Variants in GSK3B observed in about 807,000 individuals in gnomAD.
The protein encoded by GSK3B is glycogen synthase kinase-3 beta.
Under a neutral mutation model 56.4 loss-of-function variants are expected in GSK3B, and 15 were observed. The ratio of observed to expected loss-of-function variants is 0.27; its 90% CI spans 0.18 to 0.41. GSK3B has a LOEUF of 0.41. GSK3B is among the 10% of genes least tolerant of loss of function. The pLI, the probability that GSK3B is intolerant of heterozygous loss-of-function variation, is 1.00. For missense variants in GSK3B, 300 were observed against 513.4 expected (o/e 0.58, Z 4.02); for synonymous variants, 181 against 188.9 (o/e 0.96, Z 0.34).
At chr3:119,905,452 T>C (rs1037075051) in intron 7 of GSK3B, among the ~76,000 whole-genome samples, 2 of 152,122 alleles carry the variant, frequency 1.3e-5, no homozygotes, top group South Asian at 2.1e-4. Context: ...TCAGCTTACA[T>C]ACATTTTAGT....
At chr3:119,883,213 C>G (rs1238326007) in intron 7 of GSK3B, among the ~76,000 whole-genome samples, 1 of 152,034 alleles carries the variant, frequency 6.6e-6, no homozygotes, top group African/African-American at 2.4e-5. Context: ...CTTAGGGTGG[C>G]TGACAGTGGG....
At chr3:119,935,208 C>T (rs1348059472) in intron 3 of GSK3B, among the ~76,000 whole-genome samples, 1 of 152,074 alleles carries the variant, frequency 6.6e-6, no homozygotes, top group Non-Finnish European at 1.5e-5. Context: ...CAATAAACCA[C>T]TTTAATAAGA....
intron 2 of GSK3B, among the ~76,000 whole-genome samples, chr3:119,985,719 T>C (rs1478331498): frequency 2.0e-5 from 3 of 152,176 alleles, no homozygotes. Flanking sequence ...TCCATGCTCA[T>C]GGATAGGAAA....
At chr3:120,081,283 G>T (rs1024054397) in intron 1 of GSK3B, among the ~76,000 whole-genome samples, 7 of 150,534 alleles carry the variant, frequency 4.7e-5, no homozygotes, top group African/African-American at 1.5e-4. Flanking sequence ...GGTCGGGCAC[G>T]GTGGCTCACA....
At chr3:119,929,102 CA>C (rs2056918184) in intron 3 of GSK3B, among the ~76,000 whole-genome samples, 1 of 151,864 alleles carries the variant, frequency 6.6e-6, no homozygotes, top group Admixed American at 6.6e-5. Flanking sequence ...AGATGATATG[CA>C]AAACTAGGGG....
At chr3:119,866,605 G>C (rs2056186194) in intron 8 of GSK3B, 1 of 1,604,150 alleles carries the variant, frequency 6.2e-7, no homozygotes, top group East Asian at 2.2e-5. Context: ...CTCCTGAGGT[G>C]AAATGTCCTG....
At chr3:120,019,007 A>C (rs1236026055) in intron 1 of GSK3B, among the ~76,000 whole-genome samples, 1 of 152,204 alleles carries the variant, frequency 6.6e-6, no homozygotes, top group South Asian at 2.1e-4. Context: ...ACATTTTGGA[A>C]ATTGAAAAAG....
chr3:119,913,160 C>T (rs1040113971), intron 5 of GSK3B, among the ~76,000 whole-genome samples: 26 of 151,982 alleles, frequency 1.7e-4, no homozygotes, highest in Admixed American at 9.2e-4. Context: ...CCTCCCCCAC[C>T]AAAAAGCATG....
intron 10 of GSK3B, among the ~76,000 whole-genome samples, chr3:119,830,897 A>G (rs2055588204): frequency 6.6e-6 from 1 of 152,344 alleles, no homozygotes; most frequent in South Asian, 2.1e-4. Flanking sequence ...GCATACAGCA[A>G]TTGTTCAATA....
In GSK3B at chr3:119,821,481, CAG is replaced by C. The variant is rs1480252381; in HGVS notation, c.*5305_*5306del. On this transcript the variant is annotated 3_prime_UTR_variant, in exon 11 of 11. Transcript: ENST00000264235. ...TACATCATCCAGTATTGGAAATGAG[CAG>C]ACTCAAACACAACATGTGTTGGTTA... 2 of 152,300 alleles carry C rather than the reference CAG, an allele frequency of 1.3e-5. No individual in the cohort carries two copies. Among genetic ancestry groups the C allele is most frequent in the East Asian group, 3.9e-4 (2 of 5,188 alleles). 9.4% of individuals were successfully genotyped at this position (152,300 alleles called of 1,614,324 possible). A position where few individuals can be genotyped will look rare whatever the true frequency, so the allele number is the denominator to read the frequency against.
chr3:119,944,691 T>C (rs993741104), intron 3 of GSK3B, among the ~76,000 whole-genome samples: 1 of 152,180 alleles, frequency 6.6e-6, no homozygotes, highest in African/African-American at 2.4e-5. Flanking sequence ...CACCACCATC[T>C]ACGAAGTCAC....
chr3:120,088,139 G>C (rs1042839103), intron 1 of GSK3B, among the ~76,000 whole-genome samples: 3 of 152,070 alleles, frequency 2.0e-5, no homozygotes, highest in Non-Finnish European at 2.9e-5. Context: ...TGATCCACCC[G>C]CCTCGGCCTC....
chr3:119,856,428 T>C (rs1044138955), intron 9 of GSK3B, among the ~76,000 whole-genome samples: 2 of 152,206 alleles, frequency 1.3e-5, no homozygotes, highest in African/African-American at 4.8e-5. Context: ...TACACCACTC[T>C]ACATTTTCCC....
chr3:119,917,074 A>T (rs2056788422), intron 4 of GSK3B, among the ~76,000 whole-genome samples: 1 of 152,168 alleles, frequency 6.6e-6, no homozygotes, highest in Non-Finnish European at 1.5e-5. Context: ...CCCCAAAGTT[A>T]CACCATGGAC....
chr3:119,906,912 T>C (rs189950039), intron 6 of GSK3B, among the ~76,000 whole-genome samples: 1 of 152,264 alleles, frequency 6.6e-6, no homozygotes, highest in African/African-American at 2.4e-5. Context: ...CTACTTTTTA[T>C]TGACCTAGAA....
intron 8 of GSK3B, chr3:119,866,614 T>C (rs747944052): frequency 1.7e-5 from 28 of 1,604,940 alleles, no homozygotes; most frequent in Non-Finnish European, 2.0e-5. Context: ...TGAAATGTCC[T>C]GTTCCTGACG....
intron 2 of GSK3B, among the ~76,000 whole-genome samples, chr3:119,963,643 A>AC (rs1200635993): frequency 6.7e-6 from 1 of 149,216 alleles, no homozygotes; most frequent in Non-Finnish European, 1.5e-5. Context: ...AAAAAAAAAA[A>AC]AGAAAGAAAA....
chr3:119,956,815 T>C (rs1409748531), intron 2 of GSK3B, among the ~76,000 whole-genome samples: 1 of 152,150 alleles, frequency 6.6e-6, no homozygotes, highest in East Asian at 1.9e-4. Context: ...AGAAAAGCTC[T>C]AAGAGATGAG....
intron 3 of GSK3B, among the ~76,000 whole-genome samples, chr3:119,934,204 A>C (rs996096619): frequency 2.0e-5 from 3 of 152,156 alleles, no homozygotes; most frequent in Non-Finnish European, 4.4e-5. Context: ...TGGGGAAAAG[A>C]GTAATTTTAC....
Sources: allele counts gnomAD v4.1 joint callset (sites outside exome capture counted in the v4.1 genomes callset), GRCh38; gene constraint gnomAD v4.1.1; transcripts MANE v1.5; gene names NCBI Gene and HGNC (gene_info 2026-07-23, HGNC 2026-07-21).